APBB1IP: variants seen among roughly 807,000 people sequenced by gnomAD.
APBB1IP encodes the protein amyloid beta precursor protein binding family B member 1 interacting protein.
APBB1IP carries 27 observed loss-of-function variants against 64.9 expected under a neutral mutation model. The ratio of observed to expected loss-of-function variants is 0.42; its 90% CI spans 0.31 to 0.57. The LOEUF is 0.57. Ranked by LOEUF, APBB1IP falls within the 20% of genes least tolerant of loss-of-function variation. The pLI, the probability that APBB1IP is intolerant of heterozygous loss-of-function variation, is 0.20. For missense variants in APBB1IP, 812 were observed against 845.5 expected (o/e 0.96, Z 0.49); for synonymous variants, 392 against 331.0 (o/e 1.18, Z -2.00).
At chr10:26,497,466 G>T (rs979678963) in intron 4 of APBB1IP, among the ~76,000 whole-genome samples, 1 of 151,644 alleles carries the variant, frequency 6.6e-6, no homozygotes, top group Non-Finnish European at 1.5e-5. Flanking sequence ...CAGGAGAATG[G>T]TGTGAACCCA....
At chr10:26,558,323 G>A (rs1257283165) in intron 11 of APBB1IP, among the ~76,000 whole-genome samples, 1 of 152,134 alleles carries the variant, frequency 6.6e-6, no homozygotes, top group Non-Finnish European at 1.5e-5. Flanking sequence ...AACTGAACAG[G>A]AAATATTGTG....
chr10:26,543,525 G>A (rs1382628931), intron 11 of APBB1IP, among the ~76,000 whole-genome samples: 1 of 151,090 alleles, frequency 6.6e-6, no homozygotes, highest in Non-Finnish European at 1.5e-5. Flanking sequence ...CTATTGTTGA[G>A]TGACAAGGAT....
chr10:26,524,784 A>G (rs549268789), intron 8 of APBB1IP, among the ~76,000 whole-genome samples: 152 of 152,170 alleles, frequency 1.0e-3, no homozygotes, highest in Non-Finnish European at 1.5e-3. Flanking sequence ...ATGTGATACT[A>G]TAACAGAATC....
At chr10:26,471,670 C>T (rs911709643) in intron 2 of APBB1IP, among the ~76,000 whole-genome samples, 1 of 152,044 alleles carries the variant, frequency 6.6e-6, no homozygotes, top group African/African-American at 2.4e-5. Context: ...ACCTTGGGAC[C>T]TGCACTGTTT....
intron 2 of APBB1IP, among the ~76,000 whole-genome samples, chr10:26,440,040 T>A (rs949352861): frequency 6.6e-6 from 1 of 152,232 alleles, no homozygotes; most frequent in African/African-American, 2.4e-5. Flanking sequence ...GCTCAACGTG[T>A]GTTGTGAAAG....
intron 2 of APBB1IP, among the ~76,000 whole-genome samples, chr10:26,449,037 A>G (rs1244850444): frequency 6.6e-6 from 1 of 152,178 alleles, no homozygotes; most frequent in Non-Finnish European, 1.5e-5. Flanking sequence ...TAGTGCTAAG[A>G]TTTGGAAAAT....
chr10:26,551,912 T>C (rs1836835013), intron 11 of APBB1IP, among the ~76,000 whole-genome samples: 1 of 144,970 alleles, frequency 6.9e-6, no homozygotes, highest in Non-Finnish European at 1.5e-5. Context: ...GATGGGTGGA[T>C]GGACAGATGG....
intron 13 of APBB1IP, 122 bp downstream of exon 13, chr10:26,560,966 G>A: frequency 1.7e-6 from 1 of 581,344 alleles, no homozygotes; most frequent in Non-Finnish European, 2.7e-6. Flanking sequence ...TTTCTCACCT[G>A]ATGATCAGGC....
chr10:26,538,914 G>A (rs930467094), intron 10 of APBB1IP, among the ~76,000 whole-genome samples: 8 of 152,204 alleles, frequency 5.3e-5, no homozygotes, highest in Admixed American at 3.9e-4. Context: ...CAAACAGGTC[G>A]ACAGACAACC....
chr10:26,518,059 AT>A (rs961821579), intron 8 of APBB1IP, among the ~76,000 whole-genome samples: 10 of 152,066 alleles, frequency 6.6e-5, no homozygotes, highest in African/African-American at 2.4e-4. Context: ...GGTTCAAACG[AT>A]TCTCCTGTCT....
chr10:26,522,147 T>C (rs536966907), intron 8 of APBB1IP, among the ~76,000 whole-genome samples: 85 of 152,364 alleles, frequency 5.6e-4, no homozygotes, highest in African/African-American at 2.0e-3. Flanking sequence ...TACAGTTCCA[T>C]GACAATTTGA....
rs758531189 is a variant in APBB1IP, at chr10:26,560,074, A to T, written c.1156-31A>T. 31 of 1,575,110 alleles carry T rather than the reference A, an allele frequency of 2.0e-5. No homozygotes were observed. The Admixed American group carries it at 5.2e-4, about 26-fold the overall frequency. Reference sequence around the variant, plus strand: ...TTGACCTCCTAATACATGACAAGTGAATACATTGTCTCGAAACTGCTTCTT... The same window carrying T: ...TTGACCTCCTAATACATGACAAGTGTATACATTGTCTCGAAACTGCTTCTT... On this transcript the variant is annotated intron_variant, in intron 11 of 14. Transcript: ENST00000376236.
intron 2 of APBB1IP, among the ~76,000 whole-genome samples, chr10:26,478,247 A>G (rs1011252714): frequency 2.2e-4 from 34 of 152,236 alleles, no homozygotes; most frequent in African/African-American, 8.2e-4. Flanking sequence ...CAGAGAGAAA[A>G]GCATGAGCGA....
intron 2 of APBB1IP, among the ~76,000 whole-genome samples, chr10:26,450,343 A>G (rs1037272642): frequency 6.6e-6 from 1 of 152,230 alleles, no homozygotes; most frequent in Non-Finnish European, 1.5e-5. Flanking sequence ...GTTACCATTG[A>G]AAACAACTCA....
chr10:26,543,362 G>T (rs902728408), intron 11 of APBB1IP, among the ~76,000 whole-genome samples: 5 of 151,698 alleles, frequency 3.3e-5, no homozygotes, highest in Non-Finnish European at 5.9e-5. Context: ...GCTACTTGGG[G>T]GGCTTGAGGC....
chr10:26,462,857 G>A (rs72803261), intron 2 of APBB1IP, among the ~76,000 whole-genome samples: 11,845 of 152,156 alleles, frequency 0.078, 635 homozygotes, highest in Non-Finnish European at 0.12. Context: ...TCATGCTCTT[G>A]TTACTCCTCA....
At chr10:26,556,218 T>C (rs964860461) in intron 11 of APBB1IP, among the ~76,000 whole-genome samples, 3 of 152,180 alleles carry the variant, frequency 2.0e-5, no homozygotes, top group African/African-American at 7.2e-5. Flanking sequence ...TCCTGAAACC[T>C]CTTTGCAAAT....
At chr10:26,537,698 T>C (rs190479558) in intron 10 of APBB1IP, among the ~76,000 whole-genome samples, 20 of 152,194 alleles carry the variant, frequency 1.3e-4, no homozygotes, top group African/African-American at 4.8e-4. Flanking sequence ...TTTGGGAGGC[T>C]GAGGCAAGGT....
intron 8 of APBB1IP, among the ~76,000 whole-genome samples, chr10:26,515,017 G>T (rs560149155): frequency 1.1e-4 from 16 of 149,370 alleles, no homozygotes; most frequent in African/African-American, 3.7e-4. Context: ...GACTACAGGC[G>T]CATGACACCA....
Sources: gnomAD v4.1 joint callset for allele counts (sites outside exome capture counted in the v4.1 genomes callset) on GRCh38, gnomAD v4.1.1 for gene constraint, MANE v1.5 for transcripts, NCBI Gene and HGNC (gene_info 2026-07-23, HGNC 2026-07-21) for gene names.